Variants in ETS1 observed in about 807,000 individuals in gnomAD.
The protein encoded by ETS1 is protein C-ets-1.
A neutral mutation model predicts 58.6 loss-of-function variants in ETS1; 15 were observed. The ratio of observed to expected loss-of-function variants is 0.26; its 90% CI spans 0.17 to 0.39. The LOEUF is 0.39. Among genes scored for constraint, ETS1 ranks in the 10% least tolerant of loss-of-function variants. The pLI is 1.00. For missense variants in ETS1, 417 were observed against 610.5 expected, an observed-to-expected ratio of 0.68 and a Z score of 3.34; for synonymous variants, 214 against 218.2, an observed-to-expected ratio of 0.98 and a Z score of 0.17.
intron 3 of ETS1, among the ~76,000 whole-genome samples, chr11:128,544,340 A>AATATAT (rs10542616): frequency 0.018 from 2,059 of 116,998 alleles, 55 homozygotes; most frequent in Middle Eastern, 0.041. Context: ...ATTGTTTACT[A>AATATAT]ATATATATAT....
In ETS1 at chr11:128,463,920, C is replaced by CT. The variant is rs1861966589; in HGVS notation, c.1124-294dup. ...CTAAACAAATTCTAGAAAGAGAACA[C>CT]TGTGCCTATCCTCTGGGATATTCTA... On this transcript the variant is annotated intron_variant, in intron 8 of 9. Transcript: ENST00000392668. This position sits in a 1 kb window ranked among gnomAD's most constrained non-coding sequence, Gnocchi z 4.1. The CT allele has an allele frequency of 4.5e-6, 1 of 223,826 alleles. No individual in the cohort carries two copies. Among genetic ancestry groups the CT allele is most frequent in the African/African-American group, 2.3e-5 (1 of 43,546 alleles). The allele number at this position is 223,826 out of a possible 1,614,324, so 13.9% of individuals were successfully genotyped here. A position where few individuals can be genotyped will look rare whatever the true frequency, so the allele number is the denominator to read the frequency against.
intron 8 of ETS1, among the ~76,000 whole-genome samples, chr11:128,470,845 A>T (rs1862169026): frequency 6.6e-6 from 1 of 152,224 alleles, no homozygotes; most frequent in Non-Finnish European, 1.5e-5. Context: ...ATTTTCAATG[A>T]GAATAAGCAT....
At chr11:128,540,523 C>CA (rs939854454) in intron 3 of ETS1, among the ~76,000 whole-genome samples, 9 of 151,660 alleles carry the variant, frequency 5.9e-5, no homozygotes, top group African/African-American at 1.9e-4. Flanking sequence ...GAAGGCAAGA[C>CA]AAAAAAAGAG....
intron 1 of ETS1, among the ~76,000 whole-genome samples, chr11:128,586,474 T>C (rs542216664): frequency 4.6e-5 from 7 of 152,318 alleles, no homozygotes; most frequent in African/African-American, 9.6e-5. Flanking sequence ...CCACAACTGA[T>C]GAAAGAGTTA....
intron 2 of ETS1, 86 bp downstream of exon 2, chr11:128,572,976 T>A: frequency 9.5e-7 from 1 of 1,056,686 alleles, no homozygotes; most frequent in East Asian, 2.6e-5. Flanking sequence ...GGCTTCTCTG[T>A]CTACTGGGGG....
intron 5 of ETS1, among the ~76,000 whole-genome samples, chr11:128,488,519 G>A (rs542873404): frequency 1.3e-5 from 2 of 152,250 alleles, no homozygotes; most frequent in East Asian, 3.9e-4. Context: ...GGTTAGAGAG[G>A]GCAATGGGCT....
chr11:128,586,386 C>T lies in ETS1; in HGVS notation c.-15+1102G>A, dbSNP rs558215059. ...CTCAACAGCAGCAGTGGCCACCCTGCAGCCCTTGTGCACAGCCCACGGCCC... is the reference window on the plus strand; with the variant it reads ...CTCAACAGCAGCAGTGGCCACCCTGTAGCCCTTGTGCACAGCCCACGGCCC... On this transcript the variant is annotated intron_variant, in intron 1 of 9. Coordinates refer to ENST00000392668, the MANE Select transcript of ETS1 (RefSeq NM_001143820.2). Among the ~76,000 whole-genome samples the T allele has an allele frequency of 1.6e-4, 25 of 151,880 alleles. No homozygotes were observed. In the East Asian group the frequency reaches 4.9e-3, roughly 30 times the overall value.
At chr11:128,500,833 T>C (rs1863069829) in intron 3 of ETS1, among the ~76,000 whole-genome samples, 1 of 152,108 alleles carries the variant, frequency 6.6e-6, no homozygotes, top group Non-Finnish European at 1.5e-5. Context: ...TGATGATGAG[T>C]GGTCATGAGG....
At chr11:128,465,503 G>A (rs191540584) in intron 8 of ETS1, among the ~76,000 whole-genome samples, 16 of 152,252 alleles carry the variant, frequency 1.1e-4, no homozygotes, top group African/African-American at 2.9e-4. Context: ...CATTCTCAGA[G>A]GAATCCACTG....
chr11:128,553,294 T>C (rs1351417743), intron 3 of ETS1, among the ~76,000 whole-genome samples: 1 of 152,242 alleles, frequency 6.6e-6, no homozygotes, highest in Non-Finnish European at 1.5e-5. Flanking sequence ...TGAAGAAATG[T>C]ACAGCTGCAC....
chr11:128,576,455 A>G (rs1864751305), intron 1 of ETS1, among the ~76,000 whole-genome samples: 1 of 95,182 alleles, frequency 1.1e-5, no homozygotes, highest in Non-Finnish European at 2.1e-5. Context: ...AGCATTGCAC[A>G]CGTTTATTGC....
intron 3 of ETS1, among the ~76,000 whole-genome samples, chr11:128,507,592 A>G (rs1863276398): frequency 6.6e-6 from 1 of 152,214 alleles, no homozygotes; most frequent in African/African-American, 2.4e-5. Flanking sequence ...GCAACCAGCA[A>G]ACCCCAGAGG....
intron 2 of ETS1, among the ~76,000 whole-genome samples, chr11:128,564,726 C>G (rs1565411904): frequency 6.6e-6 from 1 of 152,060 alleles, no homozygotes; most frequent in Non-Finnish European, 1.5e-5. Context: ...CAAGTTGCCC[C>G]TCGCTTAGCA....
chr11:128,501,354 A>G (rs1193284603), intron 3 of ETS1, among the ~76,000 whole-genome samples: 1 of 152,224 alleles, frequency 6.6e-6, no homozygotes, highest in Non-Finnish European at 1.5e-5. Flanking sequence ...CAGCCTAACT[A>G]CAAAAGCCAC....
chr11:128,558,050 C>A (rs1864341955), intron 2 of ETS1, among the ~76,000 whole-genome samples: 1 of 152,138 alleles, frequency 6.6e-6, no homozygotes, highest in Non-Finnish European at 1.5e-5. Flanking sequence ...AGGTTCCATG[C>A]ACATGATATT....
At chr11:128,474,582 T>C (rs1000751777) in intron 8 of ETS1, among the ~76,000 whole-genome samples, 2 of 152,166 alleles carry the variant, frequency 1.3e-5, no homozygotes, top group African/African-American at 4.8e-5. Context: ...TCCTCCTCAG[T>C]GCTCCAAAGT....
chr11:128,578,631 A>C (rs1864800236), intron 1 of ETS1, among the ~76,000 whole-genome samples: 1 of 152,168 alleles, frequency 6.6e-6, no homozygotes, highest in Non-Finnish European at 1.5e-5. Context: ...AATTTGTTCA[A>C]TATTCTTCTG....
chr11:128,463,829 A>C lies in ETS1; in HGVS notation c.1124-202T>G. The C allele has an allele frequency of 2.6e-6, 1 of 388,770 alleles. No individual in the cohort carries two copies. Among genetic ancestry groups the C allele is most frequent in the Non-Finnish European group, 4.7e-6 (1 of 211,216 alleles). 24.1% of individuals were successfully genotyped at this position (388,770 alleles called of 1,614,324 possible). A position where few individuals can be genotyped will look rare whatever the true frequency, so the allele number is the denominator to read the frequency against. The stretch of plus-strand genomic sequence containing the variant: ...AGACAAAGGCCTCCCTATAAAACAA[A>C]AGCATGGAAGAAAATGTGTCAAGTG... On this transcript the variant is annotated intron_variant, in intron 8 of 9. Coordinates refer to ENST00000392668, the MANE Select transcript of ETS1 (RefSeq NM_001143820.2). The surrounding 1 kb of genome is among the most constrained non-coding windows in gnomAD (Gnocchi z 4.1).
chr11:128,528,671 G>A (rs923376282), intron 3 of ETS1, among the ~76,000 whole-genome samples: 1 of 152,034 alleles, frequency 6.6e-6, no homozygotes, highest in African/African-American at 2.4e-5. Context: ...TAACATCCCC[G>A]TAACATTTTT....
Sources: gnomAD v4.1 joint callset for allele counts (sites outside exome capture counted in the v4.1 genomes callset) on GRCh38, gnomAD v4.1.1 for gene constraint, Gnocchi (gnomAD v3.1) non-coding constraint, MANE v1.5 for transcripts, NCBI Gene and HGNC (gene_info 2026-07-23, HGNC 2026-07-21) for gene names.